CASK: variants seen among roughly 807,000 people sequenced by gnomAD.
The protein encoded by CASK is peripheral plasma membrane protein CASK.
Under a neutral mutation model 82.9 loss-of-function variants are expected in CASK, and 4 were observed. The observed-to-expected ratio is 0.05, with a 90% CI of 0.02 to 0.11. The LOEUF is 0.11. Among genes scored for constraint, CASK ranks in the 10% least tolerant of loss-of-function variants. CASK has a pLI of 1.00. For missense variants in CASK, 358 were observed against 720.9 expected (o/e 0.50, Z 5.76); for synonymous variants, 259 against 253.5 (o/e 1.02, Z -0.20).
intron 1 of CASK, among the ~76,000 whole-genome samples, chrX:41,894,692 A>C: frequency 9.1e-6 from 1 of 110,182 alleles, no homozygotes; most frequent in African/African-American, 3.3e-5. Flanking sequence ...TTCCAAGTTC[A>C]AAGTCATTCA....
At chrX:41,690,513 A>ATT (rs775363462) in intron 5 of CASK, among the ~76,000 whole-genome samples, 2 of 91,646 alleles carry the variant, frequency 2.2e-5, no homozygotes, top group Non-Finnish European at 4.4e-5. Flanking sequence ...CGCCCTGCTA[A>ATT]TTTTTTTTTT....
intron 25 of CASK, among the ~76,000 whole-genome samples, chrX:41,527,237 G>A (rs2147076015): frequency 9.0e-6 from 1 of 110,515 alleles, no homozygotes; most frequent in East Asian, 2.8e-4. Context: ...GAGGCAGAGA[G>A]AGAGACAGAG....
chrX:41,709,198 C>A (rs12396277), intron 5 of CASK, among the ~76,000 whole-genome samples: 1,131 of 111,874 alleles, frequency 0.01, 13 homozygotes, highest in African/African-American at 0.034. Context: ...AAGGAAACAG[C>A]TGATTTAGGC....
At chrX:41,522,815 G>A (rs2064656782) in intron 26 of CASK, among the ~76,000 whole-genome samples, 1 of 112,508 alleles carries the variant, frequency 8.9e-6, no homozygotes, top group Non-Finnish European at 1.9e-5. Context: ...ATATTTGTCA[G>A]TCTCTTCCTC....
chrX:41,913,668 C>A lies in CASK; in HGVS notation c.59+9262G>T, dbSNP rs192135534. 1.2e-3 allele frequency among the ~76,000 whole-genome samples: 136 copies of A among 112,619 alleles called. 1 individual carries two copies. Among genetic ancestry groups the A allele is most frequent in the Middle Eastern group, 9.1e-3 (2 of 219 alleles). On this transcript the variant is annotated intron_variant, in intron 1 of 26. Coordinates refer to ENST00000378163, the MANE Select transcript of CASK (RefSeq NM_001367721.1). ...GCCTGTGTTTAGCACTGAGAATGTG[C>A]ACATTTGGAAATTGTTGAAACTTAC...
chrX:41,785,599 C>T (rs972421208), intron 3 of CASK, among the ~76,000 whole-genome samples: 3 of 112,560 alleles, frequency 2.7e-5, no homozygotes, highest in Non-Finnish European at 5.6e-5. Flanking sequence ...ACTGATCTTG[C>T]ACTTACTCAT....
chrX:41,819,601 C>T (rs186763733), intron 2 of CASK, among the ~76,000 whole-genome samples: 4 of 111,248 alleles, frequency 3.6e-5, no homozygotes, highest in South Asian at 3.7e-4. Flanking sequence ...GACCAGTAAA[C>T]CTGACTCTAC....
intron 18 of CASK, chrX:41,558,905 A>G (rs2065191710): frequency 1.8e-5 from 2 of 112,168 alleles, no homozygotes; most frequent in South Asian, 3.7e-4. Flanking sequence ...TACAAATCCA[A>G]TAAGTTACCT....
At chrX:41,665,152 C>T in intron 7 of CASK, 125 bp downstream of exon 7, 2 of 587,747 alleles carry the variant, frequency 3.4e-6, no homozygotes, top group Middle Eastern at 9.4e-4. Flanking sequence ...AAGCAAAGAC[C>T]TTTTCTCTGA....
chrX:41,572,282 T>C (rs1291088649), intron 15 of CASK, among the ~76,000 whole-genome samples: 1 of 110,037 alleles, frequency 9.1e-6, no homozygotes, highest in Non-Finnish European at 1.9e-5. Context: ...ATTCTTTGTG[T>C]ATGAAGTGCA....
In CASK at chrX:41,727,607, T is replaced by C. The variant is rs748393504; in HGVS notation, c.429+11777A>G. On this transcript the variant is annotated intron_variant, in intron 5 of 26. Transcript: ENST00000378163. ...CTATGCTACAATCGGCAGATGGAAC[T>C]AGGAGCCATGATCTCTCAGATTGCA... The C allele has an allele frequency of 2.5e-6, 3 of 1,209,066 alleles. No homozygotes were observed. In the South Asian group the frequency reaches 5.3e-5, roughly 21 times the overall value.
At chrX:41,855,556 T>G (rs2071351879) in intron 1 of CASK, among the ~76,000 whole-genome samples, 1 of 111,931 alleles carries the variant, frequency 8.9e-6, no homozygotes, top group South Asian at 3.7e-4. Context: ...GTAACACACC[T>G]ACTATATTAC....
intron 1 of CASK, among the ~76,000 whole-genome samples, chrX:41,917,355 A>C (rs1428405560): frequency 1.8e-5 from 2 of 112,489 alleles, no homozygotes; most frequent in African/African-American, 6.5e-5. Flanking sequence ...AGTAAGCTTT[A>C]AGTTATAGAA....
chrX:41,840,246 A>G (rs1340005039), intron 2 of CASK, among the ~76,000 whole-genome samples: 1 of 111,383 alleles, frequency 9.0e-6, no homozygotes, highest in African/African-American at 3.3e-5. Context: ...ATCTTTTTTG[A>G]TTTCTTTCAT....
rs2064592203 is a variant in CASK at position 41,518,520 on chromosome X, G to C, written c.*1900C>G. On this transcript the variant is annotated 3_prime_UTR_variant, in exon 27 of 27. Coordinates refer to ENST00000378163, the MANE Select transcript of CASK (RefSeq NM_001367721.1). ...TCACTCAATACCTTGTTAGTAAGTT[G>C]CAGACTCATCTGGTCACTGGCAAAG... The C allele has an allele frequency of 9.1e-6, 1 of 109,316 alleles. No homozygotes were observed. Among genetic ancestry groups the C allele is most frequent in the Non-Finnish European group, 1.9e-5 (1 of 52,641 alleles). The allele number at this position is 109,316 out of a possible 1,213,427, so 9.0% of individuals were successfully genotyped here.
At chrX:41,669,729 CGAGGGAAATTT>C (rs1212755995) in intron 6 of CASK, among the ~76,000 whole-genome samples, 1 of 111,436 alleles carries the variant, frequency 9.0e-6, no homozygotes, top group Admixed American at 9.6e-5. Context: ...TTGGGGAACT[CGAGGGAAATTT>C]AAGGCCCAGA....
intron 5 of CASK, among the ~76,000 whole-genome samples, chrX:41,705,413 G>T (rs1321717996): frequency 9.0e-6 from 1 of 111,172 alleles, no homozygotes; most frequent in African/African-American, 3.3e-5. Context: ...AAATTAACTG[G>T]GCATGGTGGC....
chrX:41,579,705 T>C (rs1343895814), intron 14 of CASK, among the ~76,000 whole-genome samples: 1 of 111,947 alleles, frequency 8.9e-6, no homozygotes, highest in Non-Finnish European at 1.9e-5. Flanking sequence ...CTGCAGATAA[T>C]GAAATGCAGT....
At chrX:41,726,283 T>TCA (rs1187848467) in intron 5 of CASK, among the ~76,000 whole-genome samples, 1 of 112,310 alleles carries the variant, frequency 8.9e-6, no homozygotes, top group African/African-American at 3.2e-5. Context: ...GTGTAAACTT[T>TCA]TATTGAAGTA....
Sources: gnomAD v4.1 joint callset for allele counts (sites outside exome capture counted in the v4.1 genomes callset) on GRCh38, gnomAD v4.1.1 for gene constraint, MANE v1.5 for transcripts, NCBI Gene and HGNC (gene_info 2026-07-23, HGNC 2026-07-21) for gene names.